Variants in RB1 observed in about 807,000 individuals in gnomAD.
RB1 encodes the protein RB transcriptional corepressor 1.
In RB1, 18 loss-of-function variants were observed where a neutral mutation model predicts 135.4. The ratio of observed to expected loss-of-function variants is 0.13; its 90% CI spans 0.09 to 0.20. The LOEUF is 0.20. Among genes scored for constraint, RB1 ranks in the 10% least tolerant of loss-of-function variants. The pLI is 1.00. For synonymous variants in RB1, 365 were observed against 373.2 expected (o/e 0.98, Z 0.25); for missense variants, 868 against 1,110.0 (o/e 0.78, Z 3.10).
In RB1 at chr13:48,381,130, T is replaced by C. The variant is rs4151538; in HGVS notation, c.1499-117T>C. ...GACTCCAAAATAAAAAATTCTGCTC[T>C]AAATAAAAATGGTTTAACCTTTCTA... On this transcript the variant is annotated intron_variant, in intron 16 of 26. Coordinates refer to ENST00000267163, the MANE Select transcript of RB1 (RefSeq NM_000321.3). The C allele has an allele frequency of 4.8e-4, 658 of 1,378,376 alleles. 3 individuals are homozygous for C. In the African/African-American group the frequency reaches 8.7e-3, roughly 18 times the overall value. The allele number at this position is 1,378,376 out of a possible 1,614,324, so 85.4% of individuals were successfully genotyped here.
chr13:48,407,330 T>C (rs966624605), intron 17 of RB1, among the ~76,000 whole-genome samples: 11 of 152,132 alleles, frequency 7.2e-5, no homozygotes, highest in African/African-American at 2.7e-4. Flanking sequence ...TTTTAAGAGG[T>C]TATTGTAGTA....
At chr13:48,367,105 C>T (rs1170908492) in intron 9 of RB1, among the ~76,000 whole-genome samples, 17 of 98,862 alleles carry the variant, frequency 1.7e-4, no homozygotes, top group Middle Eastern at 0.022. Flanking sequence ...GGCGAAAGAG[C>T]GAAACTCCAT....
At chr13:48,348,833 C>A in intron 5 of RB1, 123 bp from the exon 6 acceptor site, 4 of 1,140,320 alleles carry the variant, frequency 3.5e-6, no homozygotes, top group Non-Finnish European at 4.9e-6. Context: ...TTCTATTATG[C>A]ATTTAACTAA....
intron 17 of RB1, among the ~76,000 whole-genome samples, chr13:48,384,137 G>A (rs1209912009): frequency 6.6e-6 from 1 of 152,022 alleles, no homozygotes; most frequent in African/African-American, 2.4e-5. Context: ...AAAGTGACAA[G>A]CCCCAAATCT....
chr13:48,336,003 A>G (rs1952381911), intron 2 of RB1, among the ~76,000 whole-genome samples: 1 of 151,948 alleles, frequency 6.6e-6, no homozygotes, highest in African/African-American at 2.4e-5. Flanking sequence ...GAGAATGAGG[A>G]TGTGAGGGCA....
In RB1 at chr13:48,303,823, G is replaced by A. The variant is rs1952049962; in HGVS notation, c.-90G>A. ...GAAATTATTTTTGTAACGGGAGTCGGGAGAGGACGGGGCGTGCCCCGACGT... is the reference window on the plus strand; with the variant it reads ...GAAATTATTTTTGTAACGGGAGTCGAGAGAGGACGGGGCGTGCCCCGACGT... On this transcript the variant is annotated 5_prime_UTR_variant, in exon 1 of 27. Transcript: ENST00000267163. 6.8e-7 allele frequency: 1 copy of A among 1,468,368 alleles called. No homozygotes were observed. Among genetic ancestry groups the A allele is most frequent in the Non-Finnish European group, 9.0e-7 (1 of 1,113,730 alleles). The allele number at this position is 1,468,368 out of a possible 1,614,324, so 91.0% of individuals were successfully genotyped here.
rs149754511 is a variant in RB1 at position 48,451,657 on chromosome 13, T to A, written c.1696-1336T>A. Among the ~76,000 whole-genome samples, 89 of 152,234 alleles carry A rather than the reference T, an allele frequency of 5.8e-4. 1 individual carries two copies. Among genetic ancestry groups the A allele is most frequent in the African/African-American group, 2.1e-3 (87 of 41,548 alleles). The stretch of plus-strand genomic sequence containing the variant: ...ATAAAATAAGTTAGGGAGGAGTCCC[T>A]TCCTTTCAATTTTTTAGAATAGTTT... On this transcript the variant is annotated intron_variant, in intron 17 of 26. Transcript: ENST00000267163.
Position 48,362,874 on chromosome 13 carries a change from A to G in RB1, c.778A>G (p.Ser260Gly). ...AACACCCAGGCGAGGTCAGAACAGG[A>G]GTGCACGGATAGCAAAACAACTAGA... ...PRTPRRGQNR[S>G]ARIAKQLEND... The change falls in exon 8 of 27, where the codon AGT becomes GGT. Residue 260 changes from serine (S) to glycine (G), a missense_variant. By Grantham distance (56) the Ser-to-Gly change is moderately conservative (BLOSUM62 0). Around this residue, in one of 3 missense-constraint regions of RB1, gnomAD observed 641 missense variants for 791.3 expected, o/e 0.81. Transcript: ENST00000267163. 6.2e-7 allele frequency: 1 copy of G among 1,613,916 alleles called. No individual in the cohort carries two copies. Among genetic ancestry groups the G allele is most frequent in the Non-Finnish European group, 8.5e-7 (1 of 1,179,884 alleles).
chr13:48,411,144 TAA>T, intron 17 of RB1: 1 of 380,164 alleles, frequency 2.6e-6, no homozygotes, highest in Non-Finnish European at 4.8e-6. Context: ...TAAATAACTT[TAA>T]GAGATTTTTT....
chr13:48,441,105 A>G (rs909698720), intron 17 of RB1, among the ~76,000 whole-genome samples: 1 of 152,198 alleles, frequency 6.6e-6, no homozygotes, highest in Non-Finnish European at 1.5e-5. Context: ...AACAACAGAA[A>G]TGTATTTCTC....
chr13:48,348,836 T>G, intron 5 of RB1, 120 bp from the exon 6 acceptor site: 3 of 1,234,622 alleles, frequency 2.4e-6, no homozygotes, highest in Non-Finnish European at 3.3e-6. Flanking sequence ...TATTATGCAT[T>G]TAACTAAGGT....
At chr13:48,337,388 G>C in intron 2 of RB1, among the ~76,000 whole-genome samples, 1 of 152,190 alleles carries the variant, frequency 6.6e-6, no homozygotes, top group Non-Finnish European at 1.5e-5. Flanking sequence ...ATATATTTAG[G>C]ATAGTTAGTT....
chr13:48,314,014 CTGGG>C (rs1952157783), intron 2 of RB1, among the ~76,000 whole-genome samples: 1 of 152,100 alleles, frequency 6.6e-6, no homozygotes, highest in Non-Finnish European at 1.5e-5. Context: ...TCCCAAAGTG[CTGGG>C]ATTACAGGCG....
chr13:48,320,398 C>T, intron 2 of RB1: 2 of 1,158,558 alleles, frequency 1.7e-6, no homozygotes, highest in Non-Finnish European at 1.3e-6. Flanking sequence ...CCCGGGGAAC[C>T]TAAAGCTCCC....
chr13:48,318,046 C>G, intron 2 of RB1: 1 of 527,126 alleles, frequency 1.9e-6, no homozygotes, highest in Non-Finnish European at 3.6e-6. Flanking sequence ...GAGCTGGGCC[C>G]TGGCATTCCC....
intron 17 of RB1, chr13:48,411,565 C>G (rs1948802559): frequency 6.2e-7 from 1 of 1,613,572 alleles, no homozygotes; most frequent in East Asian, 2.2e-5. Flanking sequence ...ACTATAGGGT[C>G]AAAACAACAG....
intron 17 of RB1, among the ~76,000 whole-genome samples, chr13:48,421,050 G>A (rs1459734116): frequency 6.6e-6 from 1 of 152,034 alleles, no homozygotes; most frequent in Non-Finnish European, 1.5e-5. Context: ...AATTTCATAT[G>A]GAACCAAAAA....
At chr13:48,441,312 T>G (rs1439232136) in intron 17 of RB1, among the ~76,000 whole-genome samples, 1 of 152,224 alleles carries the variant, frequency 6.6e-6, no homozygotes, top group Non-Finnish European at 1.5e-5. Flanking sequence ...AACTAAATTG[T>G]GCCTGAAGAC....
chr13:48,401,971 T>C (rs959859648), intron 17 of RB1, among the ~76,000 whole-genome samples: 2 of 152,176 alleles, frequency 1.3e-5, no homozygotes, highest in South Asian at 4.1e-4. Context: ...TATTTTAAGA[T>C]AATTTAATTG....
Sources: allele counts gnomAD v4.1 joint callset (sites outside exome capture counted in the v4.1 genomes callset), GRCh38; gene constraint gnomAD v4.1.1; regional missense constraint gnomAD v4.1.1; transcripts MANE v1.5; gene names NCBI Gene and HGNC (gene_info 2026-07-23, HGNC 2026-07-21).